Variants in RUNX1 observed in about 807,000 individuals in gnomAD.
RUNX1 encodes RUNX family transcription factor 1.
In RUNX1, 19 loss-of-function variants were observed where a neutral mutation model predicts 42.8. The observed-to-expected ratio is 0.44, with a 90% CI of 0.31 to 0.65. The LOEUF (loss-of-function observed/expected upper bound fraction) is 0.65. Among genes scored for constraint, RUNX1 ranks in the 30% least tolerant of loss-of-function variants. RUNX1 has a pLI of 0.07. For synonymous variants in RUNX1, 271 were observed against 289.4 expected (o/e 0.94, Z 0.64); for missense variants, 528 against 672.0 (o/e 0.79, Z 2.37).
intron 2 of RUNX1, among the ~76,000 whole-genome samples, chr21:34,948,776 A>G (rs1455826687): frequency 6.6e-6 from 1 of 151,258 alleles, no homozygotes; most frequent in African/African-American, 2.4e-5. Flanking sequence ...ATGGAGTTTC[A>G]CTCTTGTCAC....
At chr21:34,831,351 CCT>C (rs987760865) in intron 7 of RUNX1, among the ~76,000 whole-genome samples, 5 of 152,158 alleles carry the variant, frequency 3.3e-5, no homozygotes, top group African/African-American at 1.2e-4. Context: ...CAACTTGCCC[CCT>C]CTCAATCTGT....
At chr21:34,957,424 G>A (rs983471554) in intron 2 of RUNX1, among the ~76,000 whole-genome samples, 6 of 152,142 alleles carry the variant, frequency 3.9e-5, no homozygotes, top group Admixed American at 3.9e-4. Flanking sequence ...GTCTTTGGAA[G>A]GTAAATGCTT....
chr21:35,013,162 T>C (rs1260058650), intron 2 of RUNX1, among the ~76,000 whole-genome samples: 2 of 152,244 alleles, frequency 1.3e-5, no homozygotes, highest in Non-Finnish European at 2.9e-5. Context: ...TTACCTTCTT[T>C]AAAAATGTCC....
intron 2 of RUNX1, among the ~76,000 whole-genome samples, chr21:34,928,636 C>T (rs1223351728): frequency 1.3e-5 from 2 of 150,954 alleles, no homozygotes; most frequent in Middle Eastern, 3.4e-3. Context: ...GCCAAGATCG[C>T]GCCACTGCAC....
At chr21:35,005,770 CCTCCATCTCTTATCTTT>C in intron 2 of RUNX1, among the ~76,000 whole-genome samples, 1 of 152,294 alleles carries the variant, frequency 6.6e-6, no homozygotes, top group South Asian at 2.1e-4. Context: ...AGTCTCCTCC[CCTCCATCTCTTATCTTT>C]TAAGTACCCT....
intron 2 of RUNX1, among the ~76,000 whole-genome samples, chr21:35,002,870 A>T (rs1372218340): frequency 2.0e-5 from 3 of 152,242 alleles, no homozygotes; most frequent in African/African-American, 7.2e-5. Context: ...TATCAAATGC[A>T]AGCATGAGTG....
intron 2 of RUNX1, among the ~76,000 whole-genome samples, chr21:34,926,454 C>A (rs761365132): frequency 3.1e-4 from 29 of 93,906 alleles, no homozygotes; most frequent in Non-Finnish European, 5.9e-4. Context: ...AGAGTGAGAC[C>A]CAGTCTCAAA....
intron 2 of RUNX1, among the ~76,000 whole-genome samples, chr21:35,014,295 C>T (rs2059144724): frequency 6.6e-6 from 1 of 152,140 alleles, no homozygotes; most frequent in Non-Finnish European, 1.5e-5. Context: ...CATAATCAGT[C>T]TAATATTTCA....
chr21:34,965,676 AT>A (rs1234810071), intron 2 of RUNX1, among the ~76,000 whole-genome samples: 1 of 150,294 alleles, frequency 6.7e-6, no homozygotes, highest in African/African-American at 2.5e-5. Flanking sequence ...CCTGGTGGTC[AT>A]ACTCACCAGT....
At chr21:35,011,543 A>G (rs1295133675) in intron 2 of RUNX1, among the ~76,000 whole-genome samples, 1 of 152,230 alleles carries the variant, frequency 6.6e-6, no homozygotes, top group Non-Finnish European at 1.5e-5. Context: ...CATTATCCAT[A>G]GGAAACCGAG....
At chr21:35,012,580 G>C (rs1291202403) in intron 2 of RUNX1, among the ~76,000 whole-genome samples, 1 of 152,086 alleles carries the variant, frequency 6.6e-6, no homozygotes, top group African/African-American at 2.4e-5. Flanking sequence ...CAAAATACTT[G>C]GATTAATAAA....
chr21:34,913,872 A>G (rs2058291793), intron 2 of RUNX1, among the ~76,000 whole-genome samples: 1 of 152,226 alleles, frequency 6.6e-6, no homozygotes, highest in African/African-American at 2.4e-5. Context: ...ATATGCCTCT[A>G]TAAAAGGAAA....
intron 2 of RUNX1, among the ~76,000 whole-genome samples, chr21:35,003,689 C>G (rs892568996): frequency 1.3e-5 from 2 of 152,172 alleles, no homozygotes; most frequent in African/African-American, 2.4e-5. Context: ...GGCACCTCTT[C>G]AAGGCTTAGT....
At chr21:34,894,165 G>T (rs1377410993) in intron 2 of RUNX1, among the ~76,000 whole-genome samples, 1 of 152,198 alleles carries the variant, frequency 6.6e-6, no homozygotes, top group African/African-American at 2.4e-5. Flanking sequence ...GGGCAGTGGG[G>T]TGGGGGTGTG....
intron 2 of RUNX1, among the ~76,000 whole-genome samples, chr21:34,959,631 A>C (rs1209595121): frequency 6.6e-6 from 1 of 152,216 alleles, no homozygotes; most frequent in Non-Finnish European, 1.5e-5. Flanking sequence ...ATATTTAGAA[A>C]AAGTTAAGGA....
chr21:34,860,589 G>A (rs949559619), intron 5 of RUNX1, among the ~76,000 whole-genome samples: 28 of 152,072 alleles, frequency 1.8e-4, no homozygotes, highest in Non-Finnish European at 3.2e-4. Flanking sequence ...TGTTTCTCAC[G>A]GGTCTATAAT....
At chr21:35,018,718 C>T (rs2059177208) in intron 2 of RUNX1, among the ~76,000 whole-genome samples, 1 of 152,076 alleles carries the variant, frequency 6.6e-6, no homozygotes, top group Non-Finnish European at 1.5e-5. Context: ...AAAAGGTGCC[C>T]CTTCCTCTAC....
Position 34,791,205 on chromosome 21 carries a change from A to C in RUNX1, c.*930T>G, listed in dbSNP as rs1233450103. On this transcript the variant is annotated 3_prime_UTR_variant, in exon 9 of 9. Coordinates refer to ENST00000675419, the MANE Select transcript of RUNX1 (RefSeq NM_001754.5). Reference sequence around the variant, plus strand: ...AATACTTCTGGATAACCAAGCGATCACATTACTCATTCTTTTTTTCTAGCC... The same window carrying C: ...AATACTTCTGGATAACCAAGCGATCCCATTACTCATTCTTTTTTTCTAGCC... 3 of 233,440 alleles carry C rather than the reference A, an allele frequency of 1.3e-5. No individual in the cohort carries two copies. In the Admixed American group the frequency reaches 1.7e-4, roughly 13 times the overall value. The allele number at this position is 233,440 out of a possible 1,614,324, so 14.5% of individuals were successfully genotyped here.
At chr21:34,998,929 A>C (rs543613339) in intron 2 of RUNX1, among the ~76,000 whole-genome samples, 3 of 152,238 alleles carry the variant, frequency 2.0e-5, no homozygotes, top group Non-Finnish European at 4.4e-5. Flanking sequence ...TCTGTGCTCC[A>C]AAGCAAAACC....
Sources: allele counts gnomAD v4.1 joint callset (sites outside exome capture counted in the v4.1 genomes callset), GRCh38; gene constraint gnomAD v4.1.1; transcripts MANE v1.5; gene names NCBI Gene and HGNC (gene_info 2026-07-23, HGNC 2026-07-21).